The following IKZF4 variants were observed in gnomAD, a reference collection of about 807,000 sequenced individuals.
IKZF4 encodes the protein IKAROS family zinc finger 4, also known as zinc finger protein Eos.
IKZF4 carries 11 observed loss-of-function variants against 47.7 expected under a neutral mutation model. The ratio of observed to expected loss-of-function variants is 0.23; its 90% CI spans 0.15 to 0.38. The LOEUF (loss-of-function observed/expected upper bound fraction) is 0.38. Among genes scored for constraint, IKZF4 ranks in the 10% least tolerant of loss-of-function variants. The pLI, the probability that IKZF4 is intolerant of heterozygous loss-of-function variation, is 1.00. For synonymous variants in IKZF4, 298 were observed against 299.4 expected, an observed-to-expected ratio of 1.00 and a Z score of 0.05; for missense variants, 557 against 784.9, an observed-to-expected ratio of 0.71 and a Z score of 3.47.
At chr12:56,009,544 A>C (rs1466056199) in intron 1 of IKZF4, among the ~76,000 whole-genome samples, 1 of 152,230 alleles carries the variant, frequency 6.6e-6, no homozygotes, top group African/African-American at 2.4e-5. Context: ...GAGAACAGTC[A>C]GATGAGTAGC....
At chr12:56,008,548 T>A (rs1437368106) in intron 1 of IKZF4, among the ~76,000 whole-genome samples, 1 of 152,134 alleles carries the variant, frequency 6.6e-6, no homozygotes, top group Non-Finnish European at 1.5e-5. Flanking sequence ...AAAAAAATTA[T>A]GACTAGTCCT....
chr12:56,032,131 C>A (rs1247071924), intron 5 of IKZF4: 1 of 158,140 alleles, frequency 6.3e-6, no homozygotes, highest in Non-Finnish European at 1.4e-5. Flanking sequence ...AGCAAAAAAT[C>A]CCCTTGTCTG....
intron 1 of IKZF4, chr12:56,011,358 G>A (rs1032101620): frequency 6.6e-6 from 1 of 152,180 alleles, no homozygotes; most frequent in African/African-American, 2.4e-5. Context: ...TGAGACATGG[G>A]AGGGATAGGA....
chr12:56,034,128 C>T (rs1895350176), intron 7 of IKZF4, among the ~76,000 whole-genome samples: 2 of 152,110 alleles, frequency 1.3e-5, no homozygotes, highest in African/African-American at 4.8e-5. Flanking sequence ...GTCTTAATCT[C>T]CTGACCTCAT....
In IKZF4 at chr12:56,021,585, G is replaced by C; in HGVS notation, c.87+5G>C. On this transcript the variant is annotated splice_donor_5th_base_variant and intron_variant, in intron 1 of 7. Coordinates refer to ENST00000547167, the MANE Select transcript of IKZF4 (RefSeq NM_022465.4). ...CACCGGCAAGGGAAGGATAATGTAA[G>C]TTCAGGCAGAAGGCGGCTAGTGGAG... 3 of 1,599,714 alleles carry C rather than the reference G, an allele frequency of 1.9e-6. No individual in the cohort carries two copies. Among genetic ancestry groups the C allele is most frequent in the Non-Finnish European group, 2.6e-6 (3 of 1,173,912 alleles).
At chr12:56,024,091 C>T (rs1320261814) in intron 2 of IKZF4, 2 of 251,928 alleles carry the variant, frequency 7.9e-6, no homozygotes, top group Non-Finnish European at 1.3e-5. Flanking sequence ...TTAAAAAAGA[C>T]ATTCATATCT....
exon 2 of IKZF4, chr12:56,011,440 C>T (rs1171540454): frequency 1.3e-5 from 2 of 152,216 alleles, no homozygotes; most frequent in Middle Eastern, 3.4e-3. Context: ...GACAGAGAAG[C>T]GCAAAGAACA....
upstream of IKZF4, among the ~76,000 whole-genome samples, chr12:56,016,821 T>TG (rs1354773289): frequency 1.3e-5 from 2 of 152,022 alleles, no homozygotes; most frequent in Non-Finnish European, 2.9e-5. Flanking sequence ...GCTGAACTCC[T>TG]GACCTGAGGT....
chr12:56,008,473 C>A (rs1266931625), intron 1 of IKZF4, among the ~76,000 whole-genome samples: 1 of 152,058 alleles, frequency 6.6e-6, no homozygotes, highest in African/African-American at 2.4e-5. Flanking sequence ...TATTTTCTTA[C>A]CTCATGGCTG....
At chr12:56,026,747 C>A in intron 3 of IKZF4, 34 bp from the exon 4 acceptor site, 1 of 1,444,982 alleles carries the variant, frequency 6.9e-7, no homozygotes, top group South Asian at 1.5e-5. Flanking sequence ...CCCCCTTTGC[C>A]TCTCTCTATT....
intron 1 of IKZF4, among the ~76,000 whole-genome samples, chr12:56,008,760 C>T (rs893460642): frequency 2.6e-5 from 4 of 151,306 alleles, no homozygotes; most frequent in Non-Finnish European, 5.9e-5. Flanking sequence ...CTGCAACCTC[C>T]ATCTCCCAGG....
intron 5 of IKZF4, chr12:56,029,627 G>A (rs974469609): frequency 7.2e-5 from 11 of 152,186 alleles, no homozygotes; most frequent in African/African-American, 2.7e-4. Flanking sequence ...CTCTATGTAT[G>A]TGGAGAAACA....
chr12:56,016,468 C>A (rs1206453047), upstream of IKZF4, among the ~76,000 whole-genome samples: 1 of 147,160 alleles, frequency 6.8e-6, no homozygotes, highest in Non-Finnish European at 1.5e-5. Context: ...GTCGCCCAGG[C>A]TGGAGTGCAG....
Position 56,021,176 on chromosome 12 carries a change from T to A in IKZF4, c.-318T>A. 1 of 1,367,632 alleles carries A rather than the reference T, an allele frequency of 7.3e-7. No homozygotes were observed. Among genetic ancestry groups the A allele is most frequent in the Non-Finnish European group, 9.4e-7 (1 of 1,061,756 alleles). The allele number at this position is 1,367,632 out of a possible 1,614,324, so 84.7% of individuals were successfully genotyped here. ...CCCCTTCACTGTCTTGGAAAAGGGA[T>A]GCTGTAGCCTAGCATCTCCCCCACT... is the stretch of plus-strand genomic sequence containing the variant. On this transcript the variant is annotated 5_prime_UTR_variant, in exon 1 of 8. It removes an upstream start codon present in the reference 5' UTR. Transcript: ENST00000547167.
At chr12:56,008,731 A>G (rs1890997096) in intron 1 of IKZF4, among the ~76,000 whole-genome samples, 1 of 147,746 alleles carries the variant, frequency 6.8e-6, no homozygotes, top group South Asian at 2.1e-4. Flanking sequence ...CTGGGGTGCA[A>G]TGGCGCGACC....
chr12:56,020,235 T>C (rs1041886311), upstream of IKZF4, among the ~76,000 whole-genome samples: 2 of 152,246 alleles, frequency 1.3e-5, no homozygotes, highest in African/African-American at 4.8e-5. Context: ...CCTCACAGAA[T>C]GTGATTCAGA....
chr12:56,008,341 T>A (rs78439475), intron 1 of IKZF4, among the ~76,000 whole-genome samples: 1 of 151,862 alleles, frequency 6.6e-6, no homozygotes, highest in African/African-American at 2.4e-5. Context: ...AAGAAAGAAA[T>A]GCAACAGAGG....
intron 4 of IKZF4, among the ~76,000 whole-genome samples, chr12:56,027,341 A>G (rs1432719585): frequency 6.6e-6 from 1 of 152,038 alleles, no homozygotes; most frequent in Non-Finnish European, 1.5e-5. Flanking sequence ...TGTAGACTCA[A>G]GAATGAGCCA....
upstream of IKZF4, among the ~76,000 whole-genome samples, chr12:56,017,064 AT>A (rs978707544): frequency 3.2e-4 from 48 of 149,844 alleles, no homozygotes; most frequent in African/African-American, 8.3e-4. Context: ...CACCAGATAG[AT>A]TTTTTTTTTC....
Sources: allele counts gnomAD v4.1 joint callset (sites outside exome capture counted in the v4.1 genomes callset), GRCh38; gene constraint gnomAD v4.1.1; transcripts MANE v1.5; gene names NCBI Gene and HGNC (gene_info 2026-07-23, HGNC 2026-07-21).